The following CD6 variants were observed in gnomAD, a reference collection of about 807,000 sequenced individuals.
CD6 encodes the protein T-cell differentiation antigen CD6.
Under a neutral mutation model 75.3 loss-of-function variants are expected in CD6, and 53 were observed. The ratio of observed to expected loss-of-function variants is 0.70; its 90% CI spans 0.56 to 0.88. The LOEUF is 0.88. Among genes scored for constraint, CD6 ranks in the 40% least tolerant of loss-of-function variants. CD6 has a pLI of 0.00. For synonymous variants in CD6, 359 were observed against 381.5 expected (o/e 0.94, Z 0.69); for missense variants, 770 against 897.1 (o/e 0.86, Z 1.81).
In CD6 at chr11:61,016,035, G is replaced by A. The variant is rs548241175; in HGVS notation, c.1510+200G>A. ...TTTGTGACCCTGGGGTCATCTCGAT[G>A]TCTCAGGACATCTCCACTCTGACCT... On this transcript the variant is annotated intron_variant, in intron 9 of 12. Transcript: ENST00000313421. Among the ~76,000 whole-genome samples, 3 of 152,356 alleles carry A rather than the reference G, an allele frequency of 2.0e-5. No homozygotes were observed. The East Asian group carries it at 5.8e-4, about 29-fold the overall frequency.
chr11:61,012,982 C>T (rs1329327795), intron 6 of CD6, among the ~76,000 whole-genome samples: 2 of 152,188 alleles, frequency 1.3e-5, no homozygotes, highest in African/African-American at 2.4e-5. Context: ...AAACCTCCAT[C>T]ACAGCGGGTG....
chr11:60,986,998 C>T (rs774002920), intron 1 of CD6, among the ~76,000 whole-genome samples: 8 of 152,102 alleles, frequency 5.3e-5, no homozygotes, highest in Non-Finnish European at 8.8e-5. Flanking sequence ...TGAGGTGGCA[C>T]GCGCCTGTAA....
At chr11:61,004,126 CAG>C (rs1437361086) in intron 1 of CD6, among the ~76,000 whole-genome samples, 1 of 152,068 alleles carries the variant, frequency 6.6e-6, no homozygotes, top group Non-Finnish European at 1.5e-5. Context: ...TTTCCAGACC[CAG>C]AGAGAGAGAT....
Position 61,017,998 on chromosome 11 carries a change from C to T in CD6, c.1822C>T (p.Gln608Ter). The change falls in exon 11 of 13, where the codon CAG (glutamine) becomes TAG (stop). Residue 608 changes from glutamine (Q) to a stop codon, truncating the protein, a stop_gained. Transcript: ENST00000313421. LOFTEE classifies it high-confidence loss of function. Reference sequence around the variant, plus strand: ...CCCAAACTTGGAGCTGGCCGGCACCCAGCCAGCCTTTTCAGGTAAGCTGTG... The same window carrying T: ...CCCAAACTTGGAGCTGGCCGGCACCTAGCCAGCCTTTTCAGGTAAGCTGTG... ...QPPNLELAGT[Q>*]PAFSAGPPAD... 1 of 1,611,486 alleles carries T rather than the reference C, an allele frequency of 6.2e-7. No homozygotes were observed. The highest frequency in any genetic ancestry group is 1.1e-5 in the South Asian group (1 of 91,006).
chr11:61,011,266 A>G (rs1859141921), intron 6 of CD6, 131 bp downstream of exon 6: 1 of 731,050 alleles, frequency 1.4e-6, no homozygotes, highest in Non-Finnish European at 2.3e-6. Context: ...CCTCCAGCCA[A>G]TGGACTTGCC....
At chr11:60,973,917 C>G (rs566533681) in intron 1 of CD6, among the ~76,000 whole-genome samples, 2 of 152,244 alleles carry the variant, frequency 1.3e-5, no homozygotes, top group South Asian at 4.1e-4. Context: ...CTCTCCGGGG[C>G]TGATGCAAGG....
At chr11:60,985,390 AGC>A (rs1200129251) in intron 1 of CD6, among the ~76,000 whole-genome samples, 5 of 151,716 alleles carry the variant, frequency 3.3e-5, no homozygotes, top group Non-Finnish European at 7.4e-5. Flanking sequence ...TCGCCATGTT[AGC>A]CAGGCTGGTC....
intron 1 of CD6, among the ~76,000 whole-genome samples, chr11:60,983,324 T>G (rs1857661186): frequency 6.6e-6 from 1 of 152,104 alleles, no homozygotes; most frequent in African/African-American, 2.4e-5. Flanking sequence ...ACTCCTGACC[T>G]CAAGCGATCC....
chr11:60,977,897 TC>T (rs372915444), intron 1 of CD6, among the ~76,000 whole-genome samples: 1 of 152,324 alleles, frequency 6.6e-6, no homozygotes, highest in Non-Finnish European at 1.5e-5. Flanking sequence ...TAAATCACCA[TC>T]ATGATTATAA....
rs556502400 is a variant in CD6 at position 61,019,465 on chromosome 11, T to G, written c.*147T>G. 4 of 564,816 alleles carry G rather than the reference T, an allele frequency of 7.1e-6. No homozygotes were observed. Among genetic ancestry groups the G allele is most frequent in the Non-Finnish European group, 1.2e-5 (4 of 332,478 alleles). 35.0% of individuals were successfully genotyped at this position (564,816 alleles called of 1,614,324 possible). A position where few individuals can be genotyped will look rare whatever the true frequency, so the allele number is the denominator to read the frequency against. On this transcript the variant is annotated 3_prime_UTR_variant, in exon 13 of 13. Transcript: ENST00000313421. ...GAGAGATGGAAGGAAACGTTATACC[T>G]TGTACCCCTCGGTCTCCATCCATCA...
At chr11:60,984,433 G>C (rs182244913) in intron 1 of CD6, among the ~76,000 whole-genome samples, 2 of 152,086 alleles carry the variant, frequency 1.3e-5, no homozygotes, top group Non-Finnish European at 2.9e-5. Context: ...GTCTTGCCCC[G>C]CCTCGGATAT....
At position 61,013,440 on chromosome 11, in the gene CD6, A is replaced by G. The variant is rs1859245153; in HGVS notation, c.1168A>G (p.Lys390Glu). The change falls in exon 7 of 13, where the codon AAA (lysine) becomes GAA (glutamate). Residue 390 changes from lysine (K) to glutamate (E), a missense_variant. Transcript: ENST00000313421. ...GTTTCCAGAATCTTCTGTGACAGTG[A>G]AAATAGAGAACAAGGAATCTCGGGA... The part of the protein sequence containing the change: ...TVTIESSVTV[K>E]IENKESRELM... 21 of 1,614,034 alleles carry G rather than the reference A, an allele frequency of 1.3e-5. No homozygotes were observed. The highest frequency in any genetic ancestry group is 1.8e-5 in the Non-Finnish European group (21 of 1,180,012).
At chr11:60,990,007 TTTTTGTTTTTA>T (rs1220680733) in intron 1 of CD6, among the ~76,000 whole-genome samples, 1 of 152,192 alleles carries the variant, frequency 6.6e-6, no homozygotes, top group Non-Finnish European at 1.5e-5. Flanking sequence ...TTTTAAAATT[TTTTTGTTTTTA>T]TTTTGTTTTA....
At chr11:61,015,068 A>G (rs561166819) in intron 8 of CD6, among the ~76,000 whole-genome samples, 116 of 152,344 alleles carry the variant, frequency 7.6e-4, no homozygotes, top group African/African-American at 2.5e-3. Context: ...TCTGTGCCTC[A>G]GTTCCCTCCA....
chr11:60,980,733 G>A (rs941125767), intron 1 of CD6, among the ~76,000 whole-genome samples: 1 of 152,106 alleles, frequency 6.6e-6, no homozygotes, highest in African/African-American at 2.4e-5. Flanking sequence ...CCAGCTACCC[G>A]CAAGGCTGAG....
In CD6 at chr11:60,978,520, G is replaced by A. The variant is rs568917626; in HGVS notation, c.49+6606G>A. On this transcript the variant is annotated intron_variant, in intron 1 of 12. Transcript: ENST00000313421. ...TAACTTGCTGGGGAATCTTGGTCAA[G>A]TTCCTTCCTTTCTCTGGCCCTAGTT... Among the ~76,000 whole-genome samples, 5 of 152,352 alleles carry A rather than the reference G, an allele frequency of 3.3e-5. No individual in the cohort carries two copies. The South Asian group carries it at 8.3e-4, about 25-fold the overall frequency.
At position 60,987,784 on chromosome 11, in the gene CD6, G is replaced by A. The variant is rs575218522; in HGVS notation, c.49+15870G>A. ...CTAAAACCCTTCCCAATTGTCCCCT[G>A]TTTCTTGGAGTCAGTTATTCCCTCC... On this transcript the variant is annotated intron_variant, in intron 1 of 12. Coordinates refer to ENST00000313421, the MANE Select transcript of CD6 (RefSeq NM_006725.5). 4 of 152,226 alleles carry A rather than the reference G, an allele frequency of 2.6e-5. No homozygotes were observed. The South Asian group carries it at 8.3e-4, about 32-fold the overall frequency. 9.4% of individuals were successfully genotyped at this position (152,226 alleles called of 1,614,324 possible).
chr11:60,982,200 G>A lies in CD6; in HGVS notation c.49+10286G>A, dbSNP rs370031544. On this transcript the variant is annotated intron_variant, in intron 1 of 12. Coordinates refer to ENST00000313421, the MANE Select transcript of CD6 (RefSeq NM_006725.5). ...GAGTGACGAGGGGCCTTGGGGCTAG[G>A]GGCTTCTTGGGGGTCCCATCTGAGG... 1.5e-4 allele frequency among the ~76,000 whole-genome samples: 22 copies of A among 145,034 alleles called. 1 individual carries two copies. The East Asian group carries it at 2.6e-3, about 17-fold the overall frequency.
chr11:61,008,946 C>T, intron 4 of CD6, 101 bp downstream of exon 4: 3 of 1,011,672 alleles, frequency 3.0e-6, no homozygotes, highest in Non-Finnish European at 2.8e-6. Flanking sequence ...GGTCCCTGCC[C>T]TTGAGATGTC....
Sources: allele counts gnomAD v4.1 joint callset (sites outside exome capture counted in the v4.1 genomes callset), GRCh38; gene constraint gnomAD v4.1.1; transcripts MANE v1.5; gene names NCBI Gene and HGNC (gene_info 2026-07-23, HGNC 2026-07-21).